MAMDC2: variants seen among roughly 807,000 people sequenced by gnomAD.
MAMDC2 encodes MAM domain containing 2, also known as MAM domain-containing protein 2.
Under a neutral mutation model 89.8 loss-of-function variants are expected in MAMDC2, and 57 were observed. That is an observed-to-expected ratio of 0.63 (90% CI 0.51 to 0.79). The LOEUF (loss-of-function observed/expected upper bound fraction) is 0.79, where lower values mean the gene tolerates loss of function less well. Ranked by LOEUF, MAMDC2 falls within the 30% of genes least tolerant of loss-of-function variation. MAMDC2 has a pLI of 0.00. For missense variants in MAMDC2, 800 were observed against 820.6 expected (o/e 0.97, Z 0.31); for synonymous variants, 313 against 293.4 (o/e 1.07, Z -0.68).
intron 11 of MAMDC2, chr9:70,217,045 T>G (rs1285420874): frequency 2.1e-5 from 9 of 422,566 alleles, no homozygotes. Context: ...CTGCCTTATC[T>G]ACATGCCGAT....
intron 11 of MAMDC2, among the ~76,000 whole-genome samples, chr9:70,209,934 G>A (rs1452774098): frequency 6.6e-6 from 1 of 152,200 alleles, no homozygotes; most frequent in Non-Finnish European, 1.5e-5. Context: ...TTTCCATGTA[G>A]TTGAGCGGTT....
intron 11 of MAMDC2, chr9:70,217,072 T>C: frequency 2.1e-6 from 1 of 478,274 alleles, no homozygotes; most frequent in East Asian, 3.8e-5. Flanking sequence ...TGTTTCTGCC[T>C]GAAGCCAATA....
Position 70,058,838 on chromosome 9 carries a change from G to A in MAMDC2, c.148+14141G>A, listed in dbSNP as rs547037007. Reference sequence around the variant, plus strand: ...ATTGAATTCGTATTTGAGGAAATGAGTTCTAACTTGGGAAAATTTGAAATC... The same window carrying A: ...ATTGAATTCGTATTTGAGGAAATGAATTCTAACTTGGGAAAATTTGAAATC... On this transcript the variant is annotated intron_variant, in intron 2 of 13. Coordinates refer to ENST00000377182, the MANE Select transcript of MAMDC2 (RefSeq NM_153267.5). 2.0e-5 allele frequency among the ~76,000 whole-genome samples: 3 copies of A among 152,312 alleles called. No homozygotes were observed. In the South Asian group the frequency reaches 6.2e-4, roughly 32 times the overall value.
intron 2 of MAMDC2, among the ~76,000 whole-genome samples, chr9:70,049,252 G>C (rs1187814774): frequency 6.6e-6 from 1 of 152,132 alleles, no homozygotes; most frequent in Non-Finnish European, 1.5e-5. Context: ...GAAATCACGT[G>C]TAAATACATG....
chr9:70,180,855 T>G lies in MAMDC2; in HGVS notation c.1651+10224T>G, dbSNP rs921097339. Among the ~76,000 whole-genome samples, 3 of 152,254 alleles carry G rather than the reference T, an allele frequency of 2.0e-5. No homozygotes were observed. The South Asian group carries it at 6.2e-4, about 31-fold the overall frequency. The stretch of plus-strand genomic sequence containing the variant: ...TTTGCTGTGCAGAAGCTCTTTAGTT[T>G]AATCAGATCACATTTGTCAATTTTG... On this transcript the variant is annotated intron_variant, in intron 11 of 13. Transcript: ENST00000377182.
At chr9:70,170,872 C>T in intron 11 of MAMDC2, 1 of 404,990 alleles carries the variant, frequency 2.5e-6, no homozygotes, top group Non-Finnish European at 4.3e-6. Flanking sequence ...AAGTTCTGCA[C>T]ACAAAGAATA....
chr9:70,205,721 T>C (rs1416719334), intron 11 of MAMDC2, among the ~76,000 whole-genome samples: 1 of 152,192 alleles, frequency 6.6e-6, no homozygotes, highest in Non-Finnish European at 1.5e-5. Flanking sequence ...GTAATTTATT[T>C]TCTCCAGTTA....
At chr9:70,096,889 G>A (rs1257867796) in intron 2 of MAMDC2, among the ~76,000 whole-genome samples, 2 of 152,172 alleles carry the variant, frequency 1.3e-5, no homozygotes, top group Non-Finnish European at 2.9e-5. Context: ...TGTTGATGCT[G>A]CTGCCATGCG....
intron 2 of MAMDC2, among the ~76,000 whole-genome samples, chr9:70,068,639 A>T (rs1197501241): frequency 1.4e-5 from 2 of 143,848 alleles, no homozygotes; most frequent in African/African-American, 5.0e-5. Flanking sequence ...AGGCAGGAGA[A>T]TTGCTTGAAC....
rs1250928643 is a variant in MAMDC2, at chr9:70,218,599, A to G, written c.1911+3A>G. On this transcript the variant is annotated splice_donor_region_variant and intron_variant, in intron 12 of 13. Coordinates refer to ENST00000377182, the MANE Select transcript of MAMDC2 (RefSeq NM_153267.5). ...ACAGCTGTGAGAGGCAACACCAGGT[A>G]AGCCAACAGAGATAAGAACTAAGCA... 6.3e-7 allele frequency: 1 copy of G among 1,599,844 alleles called. No homozygotes were observed. The highest frequency in any genetic ancestry group is 8.5e-7 in the Non-Finnish European group (1 of 1,171,300).
chr9:70,096,544 GA>G (rs1828033468), intron 2 of MAMDC2, among the ~76,000 whole-genome samples: 1 of 152,126 alleles, frequency 6.6e-6, no homozygotes, highest in Non-Finnish European at 1.5e-5. Context: ...TCTCCATCTA[GA>G]ACTTAGTCAC....
At chr9:70,054,569 T>A (rs1267616699) in intron 2 of MAMDC2, among the ~76,000 whole-genome samples, 3 of 152,052 alleles carry the variant, frequency 2.0e-5, no homozygotes, top group Admixed American at 2.0e-4. Flanking sequence ...AACTTTGAGA[T>A]GAAAGTTTTA....
At chr9:70,144,415 G>A (rs2031329838) in intron 9 of MAMDC2, among the ~76,000 whole-genome samples, 1 of 152,178 alleles carries the variant, frequency 6.6e-6, no homozygotes, top group Non-Finnish European at 1.5e-5. Context: ...TTATTGCAAG[G>A]GGAATGGAAA....
chr9:70,046,932 G>A (rs1200395702), intron 2 of MAMDC2, among the ~76,000 whole-genome samples: 1 of 152,214 alleles, frequency 6.6e-6, no homozygotes, highest in Non-Finnish European at 1.5e-5. Flanking sequence ...GGGCAGTGAG[G>A]TAGGTGTGTG....
At chr9:70,107,010 G>A (rs180799010) in intron 2 of MAMDC2, among the ~76,000 whole-genome samples, 8 of 152,240 alleles carry the variant, frequency 5.3e-5, no homozygotes, top group Middle Eastern at 6.8e-3. Context: ...ATCCTTTCTC[G>A]TAAGAGTTTA....
chr9:70,087,087 C>T (rs1310037006), intron 2 of MAMDC2: 3 of 152,080 alleles, frequency 2.0e-5, no homozygotes, highest in Non-Finnish European at 4.4e-5. Context: ...AAAGTTGAGT[C>T]CAGATATTTG....
At chr9:70,199,516 T>G (rs2033052178) in intron 11 of MAMDC2, among the ~76,000 whole-genome samples, 1 of 147,942 alleles carries the variant, frequency 6.8e-6, no homozygotes, top group African/African-American at 2.5e-5. Context: ...AACATACGTG[T>G]GCATGTGTCT....
intron 11 of MAMDC2, chr9:70,217,810 T>C (rs1004554178): frequency 6.2e-6 from 4 of 647,730 alleles, no homozygotes; most frequent in African/African-American, 3.7e-5. Flanking sequence ...ATGCATAACA[T>C]GTGAGCATAT....
intron 2 of MAMDC2, among the ~76,000 whole-genome samples, chr9:70,045,537 A>T (rs913458838): frequency 1.3e-5 from 2 of 152,124 alleles, no homozygotes; most frequent in Admixed American, 6.5e-5. Context: ...TTTAAAAAAC[A>T]TGGTACCCTA....
Sources: gnomAD v4.1 joint callset for allele counts (sites outside exome capture counted in the v4.1 genomes callset) on GRCh38, gnomAD v4.1.1 for gene constraint, MANE v1.5 for transcripts, NCBI Gene and HGNC (gene_info 2026-07-23, HGNC 2026-07-21) for gene names.